HNRNPA3: variants seen among roughly 807,000 people sequenced by gnomAD.
HNRNPA3 encodes epididymis secretory sperm binding protein.
In HNRNPA3, 3 loss-of-function variants were observed where a neutral mutation model predicts 45.8. The observed-to-expected ratio is 0.07, with a 90% CI of 0.03 to 0.17. The LOEUF (loss-of-function observed/expected upper bound fraction) is 0.17, where lower values mean the gene tolerates loss of function less well. Ranked by LOEUF, HNRNPA3 falls within the 10% of genes least tolerant of loss-of-function variation. The pLI is 1.00. For synonymous variants in HNRNPA3, 170 were observed against 155.6 expected (o/e 1.09, Z -0.69); for missense variants, 183 against 480.3 (o/e 0.38, Z 5.79).
At chr2:177,216,377 C>T (rs1052031817) in intron 4 of HNRNPA3, 126 bp from the exon 5 acceptor site, 10 of 749,336 alleles carry the variant, frequency 1.3e-5, no homozygotes, top group African/African-American at 1.1e-4. Flanking sequence ...CAGAATGCTC[C>T]TTCATTACCA....
intron 7 of HNRNPA3, among the ~76,000 whole-genome samples, chr2:177,217,464 A>G (rs1435015454): frequency 5.3e-5 from 8 of 152,348 alleles, no homozygotes; most frequent in African/African-American, 1.9e-4. Context: ...AGGAGACCGT[A>G]TATCTAGAAA....
At chr2:177,220,424 T>C (rs1211242507), downstream of HNRNPA3, 3 of 154,576 alleles carry the variant, frequency 1.9e-5, no homozygotes, top group Non-Finnish European at 4.4e-5. Flanking sequence ...TACCTTTTTT[T>C]TCTTATTTAA....
At chr2:177,213,046 C>T (rs1354429369) in intron 1 of HNRNPA3, among the ~76,000 whole-genome samples, 175 bp downstream of exon 1, 1 of 152,138 alleles carries the variant, frequency 6.6e-6, no homozygotes, top group South Asian at 2.1e-4. Context: ...CCCTCGCCCG[C>T]CTCGCCTTCA....
chr2:177,215,380 A>T (rs888078783), intron 1 of HNRNPA3, among the ~76,000 whole-genome samples, 159 bp from the exon 2 acceptor site: 1 of 152,142 alleles, frequency 6.6e-6, no homozygotes, highest in African/African-American at 2.4e-5. Flanking sequence ...CAGGCATGAG[A>T]CATCGCGCCG....
At chr2:177,217,986 A>ACT in intron 8 of HNRNPA3, 141 bp downstream of exon 8, 1 of 747,088 alleles carries the variant, frequency 1.3e-6, no homozygotes, top group Non-Finnish European at 2.0e-6. Flanking sequence ...TGGTAGTTCA[A>ACT]ACCAAATTTT....
Sources: gnomAD v4.1 joint callset for allele counts (sites outside exome capture counted in the v4.1 genomes callset) on GRCh38, gnomAD v4.1.1 for gene constraint, MANE v1.5 for transcripts, NCBI Gene and HGNC (gene_info 2026-07-23, HGNC 2026-07-21) for gene names.